Variants in SCAMP3 observed in about 807,000 individuals in gnomAD.
SCAMP3 encodes secretory carrier-associated membrane protein 3.
SCAMP3 carries 30 observed loss-of-function variants against 44.1 expected under a neutral mutation model. The observed-to-expected ratio is 0.68, with a 90% CI of 0.51 to 0.92. SCAMP3 has a LOEUF of 0.92. Among genes scored for constraint, SCAMP3 ranks in the 40% least tolerant of loss-of-function variants. SCAMP3 has a pLI of 0.00. For synonymous variants in SCAMP3, 168 were observed against 171.1 expected (o/e 0.98, Z 0.14); for missense variants, 394 against 440.0 (o/e 0.90, Z 0.93).
Position 155,256,342 on chromosome 1 carries a change from G to C in SCAMP3, c.975C>G (p.Asn325Lys), listed in dbSNP as rs779761545. ...QQEFAAGVFS[N>K]PAVRTAAANA... is the part of the protein sequence containing the mutation. ...TGGCAGCTGCGGTTCGCACCGCAGGGTTGGAGAAGACACCAGCAGCAAATT... is the reference window on the plus strand; with the variant it reads ...TGGCAGCTGCGGTTCGCACCGCAGGCTTGGAGAAGACACCAGCAGCAAATT... Residue 325 changes from asparagine (N) to lysine (K), a missense_variant, in exon 9 of 9, where the codon AAC (asparagine) becomes AAG (lysine). Coordinates refer to ENST00000302631, the MANE Select transcript of SCAMP3 (RefSeq NM_005698.4). 1.2e-6 allele frequency: 2 copies of C among 1,609,622 alleles called. No homozygotes were observed. The highest frequency in any genetic ancestry group is 4.5e-5 in the East Asian group (2 of 44,756).
intron 4 of SCAMP3, 90 bp from the exon 5 acceptor site, chr1:155,259,044 CTCTTTTTTTTTT>C: frequency 1.3e-6 from 1 of 759,648 alleles, no homozygotes; most frequent in Non-Finnish European, 1.9e-6. Flanking sequence ...CCTGGATCCT[CTCTTTTTTTTTT>C]TTTTTTTTTT....
At chr1:155,257,938 C>T (rs886362619) in intron 5 of SCAMP3, among the ~76,000 whole-genome samples, 2 of 151,916 alleles carry the variant, frequency 1.3e-5, no homozygotes, top group South Asian at 2.1e-4. Context: ...TCCGCCTCCC[C>T]GGTTCACGCC....
rs369518588 is a variant in SCAMP3, at chr1:155,260,620, G to A, written c.184C>T (p.Pro62Ser). The change falls in exon 3 of 9, where the codon CCT (proline) becomes TCT (serine). Residue 62 changes from proline (P) to serine (S), a missense_variant. Physicochemically the swap from Pro to Ser is moderately conservative, Grantham distance 74. Coordinates refer to ENST00000302631, the MANE Select transcript of SCAMP3 (RefSeq NM_005698.4). ...AYEPPAPAPL[P>S]PPSAPSLQPS... ...TGCAAGGAGGGAGCTGAGGGTGGAG[G>A]CAATGGGGCAGGGGCTGGAGGCTCA... 15 of 1,613,992 alleles carry A rather than the reference G, an allele frequency of 9.3e-6. 1 individual carries two copies. In the South Asian group the frequency reaches 1.4e-4, roughly 15 times the overall value.
chr1:155,260,700 AAC>A, intron 2 of SCAMP3, 41 bp from the exon 3 acceptor site: 1 of 1,544,562 alleles, frequency 6.5e-7, no homozygotes, highest in Non-Finnish European at 8.8e-7. Context: ...AGTCCCTCAT[AAC>A]ACAGGAATCT....
intron 4 of SCAMP3, among the ~76,000 whole-genome samples, chr1:155,259,166 C>CTTTTTT (rs1165041017): frequency 1.6e-5 from 2 of 121,684 alleles, no homozygotes; most frequent in African/African-American, 3.1e-5. Flanking sequence ...CCCACCTCAG[C>CTTTTTT]TTTTTTTTTT....
intron 5 of SCAMP3, among the ~76,000 whole-genome samples, chr1:155,258,318 CTTTTTTTTTTTTTT>C (rs71996352): frequency 1.3e-3 from 115 of 86,534 alleles, no homozygotes; most frequent in Admixed American, 3.6e-3. Flanking sequence ...CGTGCCCGGC[CTTTTTTTTTTTTTT>C]TTTTTTTTTT....
chr1:155,256,492 T>C, intron 8 of SCAMP3, 73 bp from the exon 9 acceptor site: 4 of 1,519,396 alleles, frequency 2.6e-6, no homozygotes, highest in South Asian at 1.2e-5. Context: ...ACAGCATCAC[T>C]ACCACTCAGC....
At chr1:155,258,681 TA>T in intron 5 of SCAMP3, 144 bp downstream of exon 5, 2 of 737,560 alleles carry the variant, frequency 2.7e-6, no homozygotes, top group Non-Finnish European at 4.5e-6. Context: ...ATATGGACAA[TA>T]AAAAGTGGGG....
intron 4 of SCAMP3, 96 bp from the exon 5 acceptor site, chr1:155,259,050 T>TC: frequency 1.2e-6 from 1 of 808,122 alleles, no homozygotes. Flanking sequence ...TCCTCTCTTT[T>TC]TTTTTTTTTT....
At chr1:155,256,454 C>A in intron 8 of SCAMP3, 35 bp from the exon 9 acceptor site, 1 of 1,554,492 alleles carries the variant, frequency 6.4e-7, no homozygotes, top group Non-Finnish European at 8.7e-7. Context: ...ACCGCCCATT[C>A]CAGCCACTGG....
chr1:155,256,308 C>T lies in SCAMP3; in HGVS notation c.1009G>A (p.Ala337Thr), dbSNP rs769722791. 12 of 1,596,260 alleles carry T rather than the reference C, an allele frequency of 7.5e-6. No homozygotes were observed. The highest frequency in any genetic ancestry group is 1.0e-5 in the Non-Finnish European group (12 of 1,167,432). The change falls in exon 9 of 9, where the codon GCT becomes ACT. Residue 337 changes from alanine (A) to threonine (T), a missense_variant. By Grantham distance (58) the Ala-to-Thr change is moderately conservative. Transcript: ENST00000302631. ...CGGAAGGCATTTTCAGCAGCCCCAG[C>T]GGCTGCATTGGCAGCTGCGGTTCGC... ...AVRTAAANAAAGAAENAFRAP is the reference protein window; with the variant it reads ...AVRTAAANAATGAAENAFRAP
At chr1:155,261,068 C>T (rs1290435438) in intron 2 of SCAMP3, among the ~76,000 whole-genome samples, 2 of 152,104 alleles carry the variant, frequency 1.3e-5, no homozygotes, top group Admixed American at 1.3e-4. Flanking sequence ...GCAAGGACTA[C>T]AGGCATGTGC....
chr1:155,260,490 C>G (rs755906287), intron 3 of SCAMP3, 40 bp from the exon 4 acceptor site: 17 of 1,614,068 alleles, frequency 1.1e-5, no homozygotes, highest in African/African-American at 4.0e-5. Flanking sequence ...GCCCTGGGCC[C>G]CAGGACTGGC....
intron 6 of SCAMP3, 22 bp from the exon 7 acceptor site, chr1:155,257,408 G>T: frequency 6.2e-7 from 1 of 1,608,974 alleles, no homozygotes; most frequent in Non-Finnish European, 8.5e-7. Flanking sequence ...AAAAAAATGG[G>T]GAGGGTGGGA....
At chr1:155,259,036 T>A in intron 4 of SCAMP3, 82 bp from the exon 5 acceptor site, 1 of 1,000,426 alleles carries the variant, frequency 1.0e-6, no homozygotes, top group Non-Finnish European at 1.4e-6. Context: ...TCTCCATCCC[T>A]GGATCCTCTC....
At chr1:155,259,208 CT>C (rs1292328228) in intron 4 of SCAMP3, among the ~76,000 whole-genome samples, 2 of 137,684 alleles carry the variant, frequency 1.5e-5, no homozygotes, top group African/African-American at 5.4e-5. Flanking sequence ...GAGTTTCGCT[CT>C]TGTTGCCCAG....
At position 155,261,510 on chromosome 1, in the gene SCAMP3, C is replaced by T; in HGVS notation, c.144+147G>A. 1.3e-5 allele frequency: 10 copies of T among 767,864 alleles called. No homozygotes were observed. The South Asian group carries it at 1.5e-4, about 12-fold the overall frequency. 47.6% of individuals were successfully genotyped at this position (767,864 alleles called of 1,614,324 possible). A position where few individuals can be genotyped will look rare whatever the true frequency, so the allele number is the denominator to read the frequency against. The stretch of plus-strand genomic sequence containing the variant: ...GGTGGCCCTAGAAGGATGAGGCATC[C>T]CATGGCTGACTAGCCTCTCTCAGGG... On this transcript the variant is annotated intron_variant, in intron 2 of 8. Transcript: ENST00000302631.
Position 155,256,316 on chromosome 1 carries a change from T to G in SCAMP3, c.1001A>C (p.Asn334Thr). The change falls in exon 9 of 9, where the codon AAT becomes ACT. Residue 334 changes from asparagine to threonine, a missense_variant. Coordinates refer to ENST00000302631, the MANE Select transcript of SCAMP3 (RefSeq NM_005698.4). ...SNPAVRTAAA[N>T]AAAGAAENAF... ...ATTTTCAGCAGCCCCAGCGGCTGCA[T>G]TGGCAGCTGCGGTTCGCACCGCAGG... The G allele has an allele frequency of 6.2e-7, 1 of 1,600,294 alleles. No homozygotes were observed. Among genetic ancestry groups the G allele is most frequent in the South Asian group, 1.1e-5 (1 of 90,468 alleles).
chr1:155,261,607 A>C (rs760283526), intron 2 of SCAMP3, 50 bp downstream of exon 2: 11 of 1,540,324 alleles, frequency 7.1e-6, no homozygotes, highest in Non-Finnish European at 9.9e-6. Context: ...AACTTGTCTC[A>C]CTGGCAAACC....
Sources: gnomAD v4.1 joint callset for allele counts (sites outside exome capture counted in the v4.1 genomes callset) on GRCh38, gnomAD v4.1.1 for gene constraint, MANE v1.5 for transcripts, NCBI Gene and HGNC (gene_info 2026-07-23, HGNC 2026-07-21) for gene names.